NFASC: variants seen among roughly 807,000 people sequenced by gnomAD.
NFASC encodes neurofascin homolog.
A neutral mutation model predicts 147.5 loss-of-function variants in NFASC; 43 were observed. The ratio of observed to expected loss-of-function variants is 0.29; its 90% CI spans 0.23 to 0.38. NFASC has a LOEUF of 0.38. NFASC is among the 10% of genes least tolerant of loss of function. NFASC has a pLI of 1.00. For missense variants in NFASC, 1,320 were observed against 1,689.0 expected (o/e 0.78, Z 3.83); for synonymous variants, 622 against 665.5 (o/e 0.93, Z 1.01).
rs1268617659 is a variant in NFASC at position 204,877,014 on chromosome 1, A to G, written c.-199-43618A>G. ...TAAATATGTATATATATATATATATATATATATATATATAATATATATTTA... is the reference window on the plus strand; with the variant it reads ...TAAATATGTATATATATATATATATGTATATATATATATAATATATATTTA... On this transcript the variant is annotated intron_variant, in intron 1 of 29. Transcript: ENST00000339876. Among the ~76,000 whole-genome samples, 6 of 111,800 alleles carry G rather than the reference A, an allele frequency of 5.4e-5. No individual in the cohort carries two copies. The South Asian group carries it at 1.5e-3, about 27-fold the overall frequency. The allele number at this position is 111,800 out of a possible 152,430, so 73.3% of individuals were successfully genotyped here. A position where few individuals can be genotyped will look rare whatever the true frequency, so the allele number is the denominator to read the frequency against.
intron 1 of NFASC, among the ~76,000 whole-genome samples, chr1:204,877,029 AT>A (rs2079052283): frequency 2.4e-5 from 2 of 83,068 alleles, no homozygotes; most frequent in Non-Finnish European, 3.9e-5. Flanking sequence ...TATATATATA[AT>A]ATATATTTAT....
At chr1:204,971,302 A>C (rs984756985) in intron 11 of NFASC, among the ~76,000 whole-genome samples, 9 of 152,216 alleles carry the variant, frequency 5.9e-5, no homozygotes, top group Admixed American at 1.3e-4. Context: ...GGGGACATTT[A>C]GTCCTGCCCA....
rs757869751 is a variant in NFASC at position 204,975,318 on chromosome 1, G to A, written c.1606G>A (p.Gly536Ser). 6.2e-7 allele frequency: 1 copy of A among 1,614,020 alleles called. No individual in the cohort carries two copies. Among genetic ancestry groups the A allele is most frequent in the Admixed American group, 1.7e-5 (1 of 60,022 alleles). Residue 536 changes from glycine (G) to serine (S), a missense_variant, in exon 15 of 30, where the codon GGC becomes AGC. By Grantham distance (56) the Gly-to-Ser change is moderately conservative. Transcript: ENST00000339876. The surrounding 1 kb of genome is among the most constrained non-coding windows in gnomAD (Gnocchi z 4.0). ...RMPEDQVARR[G>S]TTVQLECRVK... ...GCCCGAGGACCAGGTGGCCAGAAGG[G>A]GCACCACGGTGCAGCTGGAGTGTCG...
At chr1:204,978,448 C>T (rs544061443) in intron 17 of NFASC, among the ~76,000 whole-genome samples, 107 of 152,322 alleles carry the variant, frequency 7.0e-4, no homozygotes, top group African/African-American at 2.5e-3. Context: ...GGTCTGATCC[C>T]CTCTCTTTGT....
chr1:204,860,052 GC>G (rs2076525165), intron 1 of NFASC, among the ~76,000 whole-genome samples: 1 of 152,146 alleles, frequency 6.6e-6, no homozygotes, highest in Non-Finnish European at 1.5e-5. Flanking sequence ...GGCGTGGGCT[GC>G]CCTCATGACA....
In NFASC at chr1:204,941,434, C is replaced by T. The variant is rs555579660; in HGVS notation, c.-90-2792C>T. Among the ~76,000 whole-genome samples the T allele has an allele frequency of 4.7e-4, 72 of 152,268 alleles. No homozygotes were observed. The Middle Eastern group carries it at 0.01, about 22-fold the overall frequency. On this transcript the variant is annotated intron_variant, in intron 2 of 29. Coordinates refer to ENST00000339876, the MANE Select transcript of NFASC (RefSeq NM_001005388.3). ...AATGTGTATCTGATTTAATGAATAG[C>T]TTCTGGCTTCCTAATTCTATCAAGA...
chr1:204,844,335 G>A (rs1344983697), intron 1 of NFASC, among the ~76,000 whole-genome samples: 2 of 152,192 alleles, frequency 1.3e-5, no homozygotes, highest in Non-Finnish European at 2.9e-5. Flanking sequence ...ATGAAAGTTA[G>A]CTGTTGTATT....
chr1:204,901,467 A>G (rs1303751767), intron 1 of NFASC, among the ~76,000 whole-genome samples: 3 of 152,158 alleles, frequency 2.0e-5, no homozygotes, highest in Non-Finnish European at 2.9e-5. Flanking sequence ...GCTTGTGTTA[A>G]ATCAGGAATG....
At chr1:204,833,993 G>A (rs1352509355) in intron 1 of NFASC, among the ~76,000 whole-genome samples, 2 of 152,322 alleles carry the variant, frequency 1.3e-5, no homozygotes, top group Admixed American at 1.3e-4. Context: ...GCTAACTGCT[G>A]TACACAGAGG....
chr1:204,989,883 G>A (rs74138687), intron 23 of NFASC: 1 of 152,298 alleles, frequency 6.6e-6, no homozygotes, highest in East Asian at 1.9e-4. Context: ...ACAAGTCATC[G>A]TGTCTGGTGC....
At chr1:205,003,531 G>A (rs1291305983) in intron 27 of NFASC, among the ~76,000 whole-genome samples, 1 of 152,196 alleles carries the variant, frequency 6.6e-6, no homozygotes, top group African/African-American at 2.4e-5. Context: ...CTGAGTGAGT[G>A]TAGCTTTAAA....
chr1:204,828,692 CGA>C lies in NFASC; in HGVS notation c.-286_-285del. 1.0e-6 allele frequency: 1 copy of C among 985,192 alleles called. No individual in the cohort carries two copies. Among genetic ancestry groups the C allele is most frequent in the African/African-American group, 1.7e-5 (1 of 57,260 alleles). 61.0% of individuals were successfully genotyped at this position (985,192 alleles called of 1,614,324 possible). On this transcript the variant is annotated 5_prime_UTR_variant, in exon 1 of 30. The change creates a premature stop within an existing upstream ORF in the 5' untranslated region. Coordinates refer to ENST00000339876, the MANE Select transcript of NFASC (RefSeq NM_001005388.3). The stretch of plus-strand genomic sequence containing the variant: ...TCTGCCCTAATGCGGCGGCTGGCGG[CGA>C]GAGGCGCTGCAGGGGACGCGGGGGA...
At chr1:204,999,686 C>T (rs922961671) in intron 25 of NFASC, 2 of 152,198 alleles carry the variant, frequency 1.3e-5, no homozygotes, top group African/African-American at 4.8e-5. Context: ...ATCATATTCA[C>T]CTGGGGCAAC....
At chr1:204,971,238 T>A (rs943986110) in intron 11 of NFASC, among the ~76,000 whole-genome samples, 2 of 152,156 alleles carry the variant, frequency 1.3e-5, no homozygotes, top group African/African-American at 4.8e-5. Context: ...GAGGAAGAAC[T>A]GCCCCCAGAA....
chr1:204,956,534 T>G (rs924949905), intron 7 of NFASC, among the ~76,000 whole-genome samples: 2 of 152,230 alleles, frequency 1.3e-5, no homozygotes, highest in Non-Finnish European at 2.9e-5. Flanking sequence ...GGTTCTTTTT[T>G]GCAGTTAATC....
At chr1:204,961,981 T>C (rs1475135390) in intron 8 of NFASC, 3 of 700,746 alleles carry the variant, frequency 4.3e-6, no homozygotes, top group Non-Finnish European at 7.7e-6. Context: ...GTGTCTTTCC[T>C]TTGCAAAAGA....
intron 7 of NFASC, 137 bp downstream of exon 7, chr1:204,955,088 A>G (rs1472259281): frequency 9.6e-7 from 1 of 1,039,788 alleles, no homozygotes; most frequent in African/African-American, 1.6e-5. Context: ...AACCAGGCTG[A>G]GAACACAGGC....
At chr1:204,944,437 T>A in intron 3 of NFASC, 31 bp downstream of exon 3, 3 of 1,520,146 alleles carry the variant, frequency 2.0e-6, no homozygotes, top group Middle Eastern at 2.0e-4. Flanking sequence ...TTCTCTTTTT[T>A]TTCCTGATTT....
At chr1:204,965,537 C>A (rs901417317) in intron 8 of NFASC, among the ~76,000 whole-genome samples, 1 of 152,220 alleles carries the variant, frequency 6.6e-6, no homozygotes, top group Non-Finnish European at 1.5e-5. Flanking sequence ...AACTGAGGTG[C>A]CTTTAGAGCT....
Sources: allele counts gnomAD v4.1 joint callset (sites outside exome capture counted in the v4.1 genomes callset), GRCh38; gene constraint gnomAD v4.1.1; non-coding constraint Gnocchi (gnomAD v3.1); transcripts MANE v1.5; gene names NCBI Gene and HGNC (gene_info 2026-07-23, HGNC 2026-07-21).